Variants in IL23R observed in about 807,000 individuals in gnomAD.
IL23R encodes the protein interleukin 23 receptor, also known as interleukin-23 receptor.
Under a neutral mutation model 56.9 loss-of-function variants are expected in IL23R, and 34 were observed. The ratio of observed to expected loss-of-function variants is 0.60; its 90% CI spans 0.45 to 0.80. IL23R has a LOEUF of 0.80. Among genes scored for constraint, IL23R ranks in the 30% least tolerant of loss-of-function variants. IL23R has a pLI of 0.00. For synonymous variants in IL23R, 230 were observed against 249.2 expected (o/e 0.92, Z 0.73); for missense variants, 635 against 730.0 (o/e 0.87, Z 1.50).
At chr1:67,236,570 A>G in intron 7 of IL23R, 143 bp from the exon 8 acceptor site, 1 of 672,438 alleles carries the variant, frequency 1.5e-6, no homozygotes, top group Non-Finnish European at 2.7e-6. Flanking sequence ...CTCGAAGACT[A>G]TTGCTTTTAT....
rs995824601 is a variant in IL23R, at chr1:67,234,780, T to C, written c.956-1933T>C. 5.6e-5 allele frequency among the ~76,000 whole-genome samples: 8 copies of C among 142,996 alleles called. No homozygotes were observed. In the East Asian group the frequency reaches 1.7e-3, roughly 30 times the overall value. 93.8% of individuals were successfully genotyped at this position (142,996 alleles called of 152,430 possible). ...TGGAGTGCAGTGGTGTGATCTCAGC[T>C]CACTGCAGCCTCTGCCTCCTGGGTT... On this transcript the variant is annotated intron_variant, in intron 7 of 10. Coordinates refer to ENST00000347310, the MANE Select transcript of IL23R (RefSeq NM_144701.3).
intron 6 of IL23R, among the ~76,000 whole-genome samples, chr1:67,216,946 G>A (rs1195151513): frequency 6.6e-6 from 1 of 152,096 alleles, no homozygotes; most frequent in Non-Finnish European, 1.5e-5. Context: ...AATTACTTGG[G>A]CAGAAAGGGG....
intron 4 of IL23R, among the ~76,000 whole-genome samples, chr1:67,184,186 G>C (rs1279419885): frequency 6.6e-6 from 1 of 152,098 alleles, no homozygotes; most frequent in African/African-American, 2.4e-5. Flanking sequence ...AGTGAGCTGA[G>C]ATCACGCCAC....
chr1:67,263,488 A>G (rs970308925), downstream of IL23R, among the ~76,000 whole-genome samples: 3 of 152,134 alleles, frequency 2.0e-5, no homozygotes, highest in African/African-American at 7.2e-5. Context: ...TTGGCCTTCC[A>G]GTGTGTTCCC....
At chr1:67,216,971 T>C (rs1391029347) in intron 6 of IL23R, among the ~76,000 whole-genome samples, 2 of 151,732 alleles carry the variant, frequency 1.3e-5, no homozygotes, top group African/African-American at 4.8e-5. Flanking sequence ...GGTTGTAGGG[T>C]AAAGGGAGAA....
At chr1:67,173,650 C>T (rs936531239) in intron 3 of IL23R, among the ~76,000 whole-genome samples, 1 of 152,082 alleles carries the variant, frequency 6.6e-6, no homozygotes, top group Non-Finnish European at 1.5e-5. Flanking sequence ...TGTGTTCTTA[C>T]TGTTTGAATA....
At chr1:67,237,671 A>G (rs1651574429) in intron 8 of IL23R, among the ~76,000 whole-genome samples, 1 of 152,216 alleles carries the variant, frequency 6.6e-6, no homozygotes, top group African/African-American at 2.4e-5. Flanking sequence ...GAGCTTGCCT[A>G]AACGTTTTAG....
chr1:67,204,189 G>C (rs934039140), intron 5 of IL23R, among the ~76,000 whole-genome samples: 4 of 152,000 alleles, frequency 2.6e-5, no homozygotes. Context: ...TCAGCCTCCC[G>C]AGTAGCTGGG....
At chr1:67,244,989 G>C (rs1376148517) in intron 9 of IL23R, among the ~76,000 whole-genome samples, 1 of 152,064 alleles carries the variant, frequency 6.6e-6, no homozygotes, top group Non-Finnish European at 1.5e-5. Context: ...TTATTTCCTT[G>C]AGCAGTGGTT....
intron 5 of IL23R, 143 bp downstream of exon 5, chr1:67,201,040 T>C: frequency 1.3e-6 from 1 of 785,118 alleles, no homozygotes; most frequent in Non-Finnish European, 2.1e-6. Context: ...TAATTCTACC[T>C]GCCCAAGACA....
chr1:67,212,208 A>G (rs1029547376), intron 6 of IL23R, among the ~76,000 whole-genome samples: 1 of 152,176 alleles, frequency 6.6e-6, no homozygotes, highest in African/African-American at 2.4e-5. Context: ...AACACAGAAA[A>G]AGTGAATTAC....
At chr1:67,206,678 GT>G (rs200802427) in intron 5 of IL23R, among the ~76,000 whole-genome samples, 183 of 142,528 alleles carry the variant, frequency 1.3e-3, no homozygotes, top group Admixed American at 3.7e-3. Context: ...TTAGAGTTCA[GT>G]TTTTTTTTTT....
rs991924968 is a variant in IL23R, at chr1:67,145,649, C to G, written c.-634+6488C>G. Among the ~76,000 whole-genome samples the G allele has an allele frequency of 2.6e-5, 4 of 151,880 alleles. No homozygotes were observed. In the South Asian group the frequency reaches 8.3e-4, roughly 32 times the overall value. On this transcript the variant is annotated intron_variant, in intron 1 of 10. Coordinates refer to the IL23R transcript ENST00000637002. ...ATTAGATAACTAAATATTTGTTGACCGAATTAATGAATATATAACTGAGTG... is the reference window on the plus strand; with the variant it reads ...ATTAGATAACTAAATATTTGTTGACGGAATTAATGAATATATAACTGAGTG...
intron 9 of IL23R, among the ~76,000 whole-genome samples, chr1:67,248,971 G>GC (rs895950766): frequency 2.0e-5 from 3 of 151,376 alleles, no homozygotes; most frequent in East Asian, 1.9e-4. Flanking sequence ...CCCTGCTTCA[G>GC]CCCCCCCTCC....
At chr1:67,207,139 T>C (rs1201482074) in intron 6 of IL23R, 84 bp downstream of exon 6, 1 of 1,340,248 alleles carries the variant, frequency 7.5e-7, no homozygotes. Context: ...ACTTATTATG[T>C]CTATTTTACA....
chr1:67,168,094 G>A lies in IL23R; in HGVS notation c.-27G>A. The A allele has an allele frequency of 2.0e-6, 3 of 1,526,206 alleles. No homozygotes were observed. The highest frequency in any genetic ancestry group is 2.7e-6 in the Non-Finnish European group (3 of 1,100,996). 94.5% of individuals were successfully genotyped at this position (1,526,206 alleles called of 1,614,324 possible). A position where few individuals can be genotyped will look rare whatever the true frequency, so the allele number is the denominator to read the frequency against. On this transcript the variant is annotated splice_region_variant and 5_prime_UTR_variant, in exon 2 of 11. Transcript: ENST00000347310. ...CATTTTTCATATTTTTTTTCCAGAGGGAAACAGTCTTTTCCTGCTTCCAGA... is the reference window on the plus strand; with the variant it reads ...CATTTTTCATATTTTTTTTCCAGAGAGAAACAGTCTTTTCCTGCTTCCAGA...
At chr1:67,186,179 A>C (rs1038338196) in intron 4 of IL23R, among the ~76,000 whole-genome samples, 3 of 152,162 alleles carry the variant, frequency 2.0e-5, no homozygotes, top group African/African-American at 7.2e-5. Flanking sequence ...TATGGCAGCA[A>C]ACTTTGCACT....
At chr1:67,141,930 G>A (rs1214938361) in intron 1 of IL23R, among the ~76,000 whole-genome samples, 1 of 152,180 alleles carries the variant, frequency 6.6e-6, no homozygotes, top group African/African-American at 2.4e-5. Context: ...TTACAGAAGG[G>A]AGAAACAAAG....
chr1:67,256,087 T>C (rs1652931489), intron 10 of IL23R, among the ~76,000 whole-genome samples, 160 bp downstream of exon 10: 1 of 152,148 alleles, frequency 6.6e-6, no homozygotes, highest in Admixed American at 6.5e-5. Flanking sequence ...TTTCAAATCA[T>C]ACTTAAAAGA....
Sources: allele counts gnomAD v4.1 joint callset (sites outside exome capture counted in the v4.1 genomes callset), GRCh38; gene constraint gnomAD v4.1.1; transcripts MANE v1.5; gene names NCBI Gene and HGNC (gene_info 2026-07-23, HGNC 2026-07-21).